Variants in RNF111 observed in about 807,000 individuals in gnomAD.
The protein encoded by RNF111 is E3 ubiquitin-protein ligase Arkadia.
In RNF111, 17 loss-of-function variants were observed where a neutral mutation model predicts 95.1. The observed-to-expected ratio is 0.18, with a 90% CI of 0.12 to 0.27. The LOEUF (loss-of-function observed/expected upper bound fraction) is 0.27. Among genes scored for constraint, RNF111 ranks in the 10% least tolerant of loss-of-function variants. The probability of loss-of-function intolerance (pLI) is 1.00; values close to 1 mark genes in which losing one functional copy is unlikely to be tolerated. For synonymous variants in RNF111, 440 were observed against 414.8 expected (o/e 1.06, Z -0.74); for missense variants, 1,189 against 1,210.4 (o/e 0.98, Z 0.26).
intron 2 of RNF111, among the ~76,000 whole-genome samples, chr15:59,041,377 A>G (rs903333381): frequency 6.6e-5 from 10 of 152,158 alleles, no homozygotes; most frequent in Admixed American, 5.9e-4. Context: ...AACATGGTGA[A>G]ACTCTGTCTC....
intron 1 of RNF111, among the ~76,000 whole-genome samples, chr15:59,025,291 A>G (rs1293714875): frequency 6.6e-6 from 1 of 152,182 alleles, no homozygotes; most frequent in East Asian, 1.9e-4. Context: ...TCTTCTTTTC[A>G]TAATTGAGTA....
intron 1 of RNF111, among the ~76,000 whole-genome samples, chr15:59,001,247 C>T (rs893279979): frequency 2.6e-5 from 4 of 152,054 alleles, no homozygotes; most frequent in African/African-American, 9.7e-5. Context: ...GAATGGTGGT[C>T]TCTGAGAACA....
In RNF111 at chr15:59,020,134, TTA is replaced by T. The variant is rs199765687; in HGVS notation, c.-19-10664_-19-10663del. Among the ~76,000 whole-genome samples the T allele has an allele frequency of 4.3e-3, 640 of 148,558 alleles. 10 individuals carry two copies. Among genetic ancestry groups the T allele is most frequent in the African/African-American group, 0.014 (583 of 40,886 alleles). On this transcript the variant is annotated intron_variant, in intron 1 of 13. Transcript: ENST00000348370. ...ATATTTCATATATAAAATACATATT[TTA>T]TATATGTTAGATATATAAAATTTGT...
chr15:58,997,238 A>G (rs188546238), intron 1 of RNF111, among the ~76,000 whole-genome samples: 2 of 152,228 alleles, frequency 1.3e-5, no homozygotes, highest in Non-Finnish European at 2.9e-5. Context: ...TTCCTCCTGT[A>G]TTTTATATGT....
Position 59,058,578 on chromosome 15 carries a change from CTT to C in RNF111, c.1366+32_1366+33del, listed in dbSNP as rs573246786. Reference sequence around the variant, plus strand: ...ATGTAAAAAAGTGGGGGAGGGGAGACTTTTTGTCATTACTTTCGTTAGGAAAA... The same window carrying C: ...ATGTAAAAAAGTGGGGGAGGGGAGACTTTGTCATTACTTTCGTTAGGAAAA... On this transcript the variant is annotated intron_variant, in intron 5 of 13. Coordinates refer to ENST00000348370, the MANE Select transcript of RNF111 (RefSeq NM_017610.8). 2.5e-6 allele frequency: 4 copies of C among 1,588,070 alleles called. No homozygotes were observed. In the East Asian group the frequency reaches 8.9e-5, roughly 35 times the overall value.
At chr15:59,032,662 C>G (rs139877473) in intron 2 of RNF111, among the ~76,000 whole-genome samples, 10 of 152,316 alleles carry the variant, frequency 6.6e-5, no homozygotes, top group Admixed American at 2.0e-4. Flanking sequence ...CTCAGGCGAT[C>G]CACCTGCCTT....
Position 59,056,934 on chromosome 15 carries a change from A to T in RNF111, c.1171+1089A>T, listed in dbSNP as rs61157686. 1.3e-3 allele frequency among the ~76,000 whole-genome samples: 199 copies of T among 152,244 alleles called. 1 individual carries two copies. The highest frequency in any genetic ancestry group is 4.2e-3 in the African/African-American group (176 of 41,544). On this transcript the variant is annotated intron_variant, in intron 4 of 13. Transcript: ENST00000348370. ...TCCACATTACAGTAAGTTCAACCAG[A>T]ATTTACACTTTACTGGGTTAAAAGT...
chr15:59,067,467 G>A (rs2042715886), intron 6 of RNF111, among the ~76,000 whole-genome samples: 1 of 151,746 alleles, frequency 6.6e-6, no homozygotes, highest in Admixed American at 6.6e-5. Flanking sequence ...GTGGCTTTGG[G>A]AAGAGGAAAA....
chr15:59,000,767 A>G (rs1355034683), intron 1 of RNF111, among the ~76,000 whole-genome samples: 2 of 152,072 alleles, frequency 1.3e-5, no homozygotes, highest in African/African-American at 4.8e-5. Flanking sequence ...TTGATGGTAG[A>G]TGAGCCCACT....
intron 7 of RNF111, among the ~76,000 whole-genome samples, chr15:59,079,443 T>C (rs1349362845): frequency 6.6e-6 from 1 of 152,218 alleles, no homozygotes; most frequent in Non-Finnish European, 1.5e-5. Context: ...AAATTAGATT[T>C]GTTGAAAGTT....
intron 7 of RNF111, among the ~76,000 whole-genome samples, chr15:59,080,317 C>T (rs556464356): frequency 6.6e-5 from 10 of 152,054 alleles, no homozygotes; most frequent in African/African-American, 1.4e-4. Context: ...GACGGGGCTT[C>T]GCCATGTTGG....
intron 1 of RNF111, among the ~76,000 whole-genome samples, chr15:59,016,023 G>A (rs1320461664): frequency 1.3e-5 from 2 of 151,646 alleles, no homozygotes; most frequent in Admixed American, 1.3e-4. Context: ...GATAACTTTT[G>A]TATTTTTAGT....
At chr15:59,020,759 A>G (rs550671225) in intron 1 of RNF111, among the ~76,000 whole-genome samples, 2 of 152,320 alleles carry the variant, frequency 1.3e-5, no homozygotes, top group South Asian at 4.1e-4. Context: ...GGGCTGAAAC[A>G]TCCAGCTACC....
intron 5 of RNF111, among the ~76,000 whole-genome samples, chr15:59,062,920 A>G (rs60628647): frequency 0.027 from 4,156 of 152,314 alleles, 118 homozygotes; most frequent in African/African-American, 0.062. Context: ...CTTGGTTTGT[A>G]GCCTCTAAAT....
intron 1 of RNF111, among the ~76,000 whole-genome samples, chr15:59,027,820 A>G (rs2040696574): frequency 6.7e-6 from 1 of 149,614 alleles, no homozygotes; most frequent in Non-Finnish European, 1.5e-5. Context: ...GGCGTGAGCC[A>G]CTGCACCTGG....
At chr15:58,998,244 G>GTT (rs78720477) in intron 1 of RNF111, among the ~76,000 whole-genome samples, 6 of 142,250 alleles carry the variant, frequency 4.2e-5, no homozygotes, top group Non-Finnish European at 4.6e-5. Flanking sequence ...AAAATGGGAA[G>GTT]TTTTTTTTTT....
intron 1 of RNF111, among the ~76,000 whole-genome samples, chr15:59,027,647 G>C (rs1370385751): frequency 6.6e-6 from 1 of 151,814 alleles, no homozygotes; most frequent in Non-Finnish European, 1.5e-5. Flanking sequence ...TGCTGCGTCA[G>C]CCTCCTGAGT....
At chr15:59,049,428 G>A (rs1164980707) in intron 2 of RNF111, 2 of 189,022 alleles carry the variant, frequency 1.1e-5, no homozygotes, top group Non-Finnish European at 2.1e-5. Flanking sequence ...ATAGGTTCCA[G>A]CAGTTCAGGC....
intron 1 of RNF111, among the ~76,000 whole-genome samples, chr15:58,989,420 C>G (rs1357778792): frequency 6.6e-6 from 1 of 152,174 alleles, no homozygotes; most frequent in Non-Finnish European, 1.5e-5. Flanking sequence ...AGATTCACAA[C>G]AGTATTCTAA....
Sources: gnomAD v4.1 joint callset for allele counts (sites outside exome capture counted in the v4.1 genomes callset) on GRCh38, gnomAD v4.1.1 for gene constraint, MANE v1.5 for transcripts, NCBI Gene and HGNC (gene_info 2026-07-23, HGNC 2026-07-21) for gene names.